Variants in JAM3 observed in about 807,000 individuals in gnomAD.
The protein encoded by JAM3 is junctional adhesion molecule C.
In JAM3, 31 loss-of-function variants were observed where a neutral mutation model predicts 39.4. The observed-to-expected ratio is 0.79, with a 90% CI of 0.59 to 1.06. The LOEUF (loss-of-function observed/expected upper bound fraction) is 1.06, where lower values mean the gene tolerates loss of function less well. Among genes scored for constraint, JAM3 ranks in the 50% least tolerant of loss-of-function variants. JAM3 has a pLI of 0.00. For missense variants in JAM3, 455 were observed against 391.4 expected (o/e 1.16, Z -1.37); for synonymous variants, 182 against 148.7 (o/e 1.22, Z -1.63).
At chr11:134,140,865 C>G (rs1942962058) in intron 3 of JAM3, 95 bp downstream of exon 3, 4 of 1,492,236 alleles carry the variant, frequency 2.7e-6, no homozygotes, top group Non-Finnish European at 2.7e-6. Flanking sequence ...GACTGGTAAC[C>G]TGCATCTGTA....
rs562478016 is a variant in JAM3 at position 134,125,103 on chromosome 11, G to A, written c.77-14748G>A. Among the ~76,000 whole-genome samples, 3 of 152,314 alleles carry A rather than the reference G, an allele frequency of 2.0e-5. No individual in the cohort carries two copies. The South Asian group carries it at 6.2e-4, about 32-fold the overall frequency. ...GCTGCCCTGTGGTGTCGCCTCCCGA[G>A]GTGCACGGCCGCCGCCACTGCTGCT... On this transcript the variant is annotated intron_variant, in intron 1 of 8. Coordinates refer to ENST00000299106, the MANE Select transcript of JAM3 (RefSeq NM_032801.5).
At chr11:134,105,923 C>T (rs996806816) in intron 1 of JAM3, among the ~76,000 whole-genome samples, 9 of 152,238 alleles carry the variant, frequency 5.9e-5, no homozygotes, top group South Asian at 2.1e-4. Flanking sequence ...GCCATACCGC[C>T]GAAGGTAATT....
At chr11:134,091,102 CTG>C (rs1478712185) in intron 1 of JAM3, among the ~76,000 whole-genome samples, 2 of 152,088 alleles carry the variant, frequency 1.3e-5, no homozygotes, top group East Asian at 1.9e-4. Context: ...TGTGATGGAA[CTG>C]AGAGACACTG....
intron 5 of JAM3, 143 bp from the exon 6 acceptor site, chr11:134,145,803 G>A: frequency 1.4e-6 from 1 of 708,922 alleles, no homozygotes; most frequent in South Asian, 1.5e-5. Context: ...ATCAGGGAGT[G>A]GGTCAGGGAG....
chr11:134,120,399 TAGTG>T (rs556074275), intron 1 of JAM3, among the ~76,000 whole-genome samples: 13 of 152,370 alleles, frequency 8.5e-5, no homozygotes, highest in Middle Eastern at 3.4e-3. Context: ...AACTAGTTCT[TAGTG>T]AGCAACACAT....
intron 1 of JAM3, 84 bp downstream of exon 1, chr11:134,069,243 C>G (rs150158475): frequency 1.1e-4 from 175 of 1,533,212 alleles, no homozygotes; most frequent in Middle Eastern, 1.7e-4. Flanking sequence ...GGAGCCGGTC[C>G]GGGCGAGGAT....
chr11:134,144,899 T>TG lies in JAM3; in HGVS notation c.519dup (p.Tyr174ValfsTer4), dbSNP rs1227698352. The stretch of plus-strand genomic sequence containing the variant: ...GGGCCACCCCCGGCCTCACTACAGC[T>TG]GGTATCGCAATGATGTACCACTGCC... On this transcript the variant is annotated frameshift_variant, in exon 5 of 9. Transcript: ENST00000299106. LOFTEE classifies it high-confidence loss of function. 6.2e-7 allele frequency: 1 copy of TG among 1,614,060 alleles called. No individual in the cohort carries two copies. The highest frequency in any genetic ancestry group is 2.2e-5 in the East Asian group (1 of 44,882).
intron 1 of JAM3, among the ~76,000 whole-genome samples, chr11:134,098,010 T>C (rs1019006122): frequency 6.6e-6 from 1 of 152,134 alleles, no homozygotes; most frequent in Non-Finnish European, 1.5e-5. Flanking sequence ...GAAAAACCTA[T>C]ATACTTTATG....
chr11:134,143,554 A>G (rs1374765131), intron 3 of JAM3, among the ~76,000 whole-genome samples: 1 of 152,168 alleles, frequency 6.6e-6, no homozygotes. Context: ...TTTTTAAATT[A>G]GGTTGTCTAT....
chr11:134,108,365 AAAAG>A (rs1208761628), intron 1 of JAM3, among the ~76,000 whole-genome samples: 27 of 152,146 alleles, frequency 1.8e-4, no homozygotes, highest in Non-Finnish European at 3.4e-4. Context: ...TTTAAGAAAA[AAAAG>A]ACACCAATTC....
intron 6 of JAM3, among the ~76,000 whole-genome samples, chr11:134,146,584 A>C (rs910269026): frequency 2.6e-5 from 4 of 152,020 alleles, no homozygotes; most frequent in African/African-American, 9.6e-5. Flanking sequence ...AAAACAAAAA[A>C]CACCACAGGG....
At chr11:134,105,714 A>T (rs1011979964) in intron 1 of JAM3, among the ~76,000 whole-genome samples, 2 of 125,184 alleles carry the variant, frequency 1.6e-5, no homozygotes, top group Non-Finnish European at 3.3e-5. Context: ...AATAATAGAC[A>T]AACAGCCAAA....
At chr11:134,103,980 A>G (rs1293804593) in intron 1 of JAM3, among the ~76,000 whole-genome samples, 1 of 152,174 alleles carries the variant, frequency 6.6e-6, no homozygotes, top group Non-Finnish European at 1.5e-5. Flanking sequence ...ATATCCAGGA[A>G]TTGAACTCAG....
chr11:134,131,338 A>G (rs12286321), intron 1 of JAM3, among the ~76,000 whole-genome samples: 23,187 of 151,862 alleles, frequency 0.15, 1,934 homozygotes, highest in African/African-American at 0.22. Context: ...AGGTTAAGGA[A>G]CCTCAGTGAC....
intron 1 of JAM3, chr11:134,139,575 A>G (rs939232776): frequency 6.6e-6 from 3 of 452,648 alleles, no homozygotes; most frequent in African/African-American, 4.0e-5. Flanking sequence ...ATGCTTAGAC[A>G]AAGGCTTTAA....
At chr11:134,106,162 G>A (rs1942181468) in intron 1 of JAM3, among the ~76,000 whole-genome samples, 1 of 152,100 alleles carries the variant, frequency 6.6e-6, no homozygotes. Flanking sequence ...TAGATCAATG[G>A]AACAGAACAG....
intron 1 of JAM3, among the ~76,000 whole-genome samples, chr11:134,096,360 T>A (rs1432622003): frequency 6.6e-6 from 1 of 152,222 alleles, no homozygotes; most frequent in African/African-American, 2.4e-5. Flanking sequence ...TCTGATCATC[T>A]TCTTGGTCTG....
chr11:134,134,882 T>A (rs1942834731), intron 1 of JAM3, among the ~76,000 whole-genome samples: 1 of 152,382 alleles, frequency 6.6e-6, no homozygotes, highest in South Asian at 2.1e-4. Flanking sequence ...AGGAGTTCTT[T>A]ATATATTGTG....
chr11:134,087,135 GC>G (rs1941757991), intron 1 of JAM3, among the ~76,000 whole-genome samples: 1 of 151,882 alleles, frequency 6.6e-6, no homozygotes, highest in Non-Finnish European at 1.5e-5. Context: ...TCCCAAACAC[GC>G]TTAGTGAAAT....
Sources: allele counts gnomAD v4.1 joint callset (sites outside exome capture counted in the v4.1 genomes callset), GRCh38; gene constraint gnomAD v4.1.1; transcripts MANE v1.5; gene names NCBI Gene and HGNC (gene_info 2026-07-23, HGNC 2026-07-21).